PAPPA2: variants seen among roughly 807,000 people sequenced by gnomAD.
The protein encoded by PAPPA2 is pappalysin 2, also known as pappalysin-2.
A neutral mutation model predicts 176.4 loss-of-function variants in PAPPA2; 86 were observed. The observed-to-expected ratio is 0.49, with a 90% CI of 0.41 to 0.58. The LOEUF (loss-of-function observed/expected upper bound fraction) is 0.58, where lower values mean the gene tolerates loss of function less well. Among genes scored for constraint, PAPPA2 ranks in the 20% least tolerant of loss-of-function variants. PAPPA2 has a pLI of 0.00. For missense variants in PAPPA2, 2,073 were observed against 2,256.9 expected, an observed-to-expected ratio of 0.92 and a Z score of 1.65; for synonymous variants, 809 against 852.2, an observed-to-expected ratio of 0.95 and a Z score of 0.88.
intron 12 of PAPPA2, among the ~76,000 whole-genome samples, chr1:176,718,879 C>T (rs1661491308): frequency 6.6e-6 from 1 of 151,636 alleles, no homozygotes; most frequent in East Asian, 1.9e-4. Context: ...TAAAGCATTC[C>T]ATATATTTAA....
At chr1:176,470,186 C>T (rs1239843136) in intron 1 of PAPPA2, among the ~76,000 whole-genome samples, 1 of 152,148 alleles carries the variant, frequency 6.6e-6, no homozygotes, top group Non-Finnish European at 1.5e-5. Flanking sequence ...GGTGAAGGTC[C>T]AGGGTTTACT....
intron 3 of PAPPA2, among the ~76,000 whole-genome samples, chr1:176,623,671 TTC>T (rs1414398491): frequency 1.6e-5 from 2 of 128,168 alleles, no homozygotes; most frequent in African/African-American, 6.2e-5. Context: ...TTCTTTCTTT[TTC>T]TTTCTTTCTT....
intron 8 of PAPPA2, 45 bp downstream of exon 8, chr1:176,699,634 G>A (rs1004257710): frequency 6.5e-6 from 10 of 1,537,744 alleles, no homozygotes; most frequent in South Asian, 2.5e-5. Flanking sequence ...GGCTCTGGGG[G>A]TGGGTTTTGT....
intron 12 of PAPPA2, among the ~76,000 whole-genome samples, chr1:176,732,272 GC>G (rs1662194781): frequency 6.6e-6 from 1 of 152,156 alleles, no homozygotes; most frequent in South Asian, 2.1e-4. Flanking sequence ...TATAAAAGGA[GC>G]AACAAATTAG....
intron 12 of PAPPA2, among the ~76,000 whole-genome samples, chr1:176,716,823 G>A (rs990852978): frequency 1.5e-4 from 23 of 151,280 alleles, no homozygotes; most frequent in Non-Finnish European, 2.5e-4. Flanking sequence ...GTGTTAGCCA[G>A]GATGGTCTCG....
At chr1:176,817,539 C>T (rs1050248515) in intron 21 of PAPPA2, among the ~76,000 whole-genome samples, 7 of 151,862 alleles carry the variant, frequency 4.6e-5, no homozygotes, top group African/African-American at 1.5e-4. Flanking sequence ...AGACGGTGTC[C>T]GTATTTCAAG....
chr1:176,636,924 T>C (rs1558488198), intron 3 of PAPPA2, among the ~76,000 whole-genome samples: 1 of 152,126 alleles, frequency 6.6e-6, no homozygotes, highest in Non-Finnish European at 1.5e-5. Flanking sequence ...AATAGAAATC[T>C]GAAACAATGT....
At chr1:176,757,913 C>G (rs1309996682) in intron 14 of PAPPA2, among the ~76,000 whole-genome samples, 2 of 152,114 alleles carry the variant, frequency 1.3e-5, no homozygotes, top group African/African-American at 2.4e-5. Flanking sequence ...ATAAGTGAAG[C>G]AATTTGCCCA....
intron 14 of PAPPA2, among the ~76,000 whole-genome samples, chr1:176,755,573 A>G (rs984608619): frequency 1.8e-4 from 27 of 152,230 alleles, no homozygotes; most frequent in Non-Finnish European, 2.9e-5. Flanking sequence ...GTGTCCAGGA[A>G]TAAATAATAG....
chr1:176,474,229 T>C (rs1652012342), intron 1 of PAPPA2, among the ~76,000 whole-genome samples: 1 of 152,132 alleles, frequency 6.6e-6, no homozygotes, highest in African/African-American at 2.4e-5. Context: ...CCAAGGTAAG[T>C]TGGTGTGGGC....
In PAPPA2 at chr1:176,510,778, A is replaced by G. The variant is rs192432107; in HGVS notation, c.-916-44629A>G. On this transcript the variant is annotated intron_variant, in intron 1 of 22. Transcript: ENST00000367662. The stretch of plus-strand genomic sequence containing the variant: ...CACTGAAGGTAGACTGAGATAAGCT[A>G]AAATGTATATTTTAAAATTTAAAGC... Among the ~76,000 whole-genome samples the G allele has an allele frequency of 3.8e-3, 562 of 148,820 alleles. 10 individuals are homozygous for G. Among genetic ancestry groups the G allele is most frequent in the Admixed American group, 0.032 (479 of 14,884 alleles).
chr1:176,613,754 GA>G (rs1366494067), intron 3 of PAPPA2, among the ~76,000 whole-genome samples: 1 of 152,066 alleles, frequency 6.6e-6, no homozygotes, highest in Non-Finnish European at 1.5e-5. Context: ...GAAAAATAAG[GA>G]ACATGATCAG....
At chr1:176,659,086 G>T (rs1025602565) in intron 3 of PAPPA2, among the ~76,000 whole-genome samples, 5 of 151,938 alleles carry the variant, frequency 3.3e-5, no homozygotes, top group Admixed American at 2.0e-4. Context: ...GAATAAAAAA[G>T]AAAACTAAGA....
chr1:176,626,640 T>G (rs1000484672), intron 3 of PAPPA2, among the ~76,000 whole-genome samples: 1 of 151,716 alleles, frequency 6.6e-6, no homozygotes, highest in Non-Finnish European at 1.5e-5. Context: ...TTTTGGAAAT[T>G]CTTGTCAATG....
chr1:176,620,559 C>G (rs73046315), intron 3 of PAPPA2, among the ~76,000 whole-genome samples: 11,224 of 152,172 alleles, frequency 0.074, 1,362 homozygotes, highest in African/African-American at 0.26. Context: ...ATTTCTGTCA[C>G]AACTACTTCA....
chr1:176,479,348 A>G (rs1169331906), intron 1 of PAPPA2, among the ~76,000 whole-genome samples: 4 of 152,036 alleles, frequency 2.6e-5, no homozygotes, highest in African/African-American at 9.7e-5. Context: ...TGGGAGAAGC[A>G]TCTCTTAAGG....
chr1:176,582,222 C>T (rs1388048048), intron 2 of PAPPA2, among the ~76,000 whole-genome samples: 3 of 152,060 alleles, frequency 2.0e-5, no homozygotes, highest in South Asian at 2.1e-4. Flanking sequence ...CCACCGCGCC[C>T]GGCCTAGGTT....
At position 176,812,221 on chromosome 1, in the gene PAPPA2, T is replaced by TTG. The variant is rs879526258; in HGVS notation, c.5202+12089_5202+12090insTG. Among the ~76,000 whole-genome samples the TTG allele has an allele frequency of 5.3e-5, 8 of 150,894 alleles. No homozygotes were observed. The South Asian group carries it at 1.5e-3, about 28-fold the overall frequency. On this transcript the variant is annotated intron_variant, in intron 21 of 22. Coordinates refer to ENST00000367662, the MANE Select transcript of PAPPA2 (RefSeq NM_020318.3). The stretch of plus-strand genomic sequence containing the variant: ...CTGGGCTTTTTTGTTCTTTTTTTTT[T>TTG]GGGGGGAGGGTTCTTTTTCTCTTTC...
intron 3 of PAPPA2, among the ~76,000 whole-genome samples, chr1:176,607,569 A>G (rs1654685157): frequency 6.6e-6 from 1 of 152,200 alleles, no homozygotes; most frequent in Non-Finnish European, 1.5e-5. Flanking sequence ...ATATTATTCC[A>G]TCGTGTATAT....
Sources: gnomAD v4.1 joint callset for allele counts (sites outside exome capture counted in the v4.1 genomes callset) on GRCh38, gnomAD v4.1.1 for gene constraint, MANE v1.5 for transcripts, NCBI Gene and HGNC (gene_info 2026-07-23, HGNC 2026-07-21) for gene names.